Variants in SDK1 observed in about 807,000 individuals in gnomAD.
The protein encoded by SDK1 is sidekick cell adhesion molecule 1.
Under a neutral mutation model 245.5 loss-of-function variants are expected in SDK1, and 157 were observed. That is an observed-to-expected ratio of 0.64 (90% CI 0.56 to 0.73). The LOEUF (loss-of-function observed/expected upper bound fraction) is 0.73, where lower values mean the gene tolerates loss of function less well. SDK1 is among the 30% of genes least tolerant of loss of function. The pLI is 0.00. For synonymous variants in SDK1, 1,647 were observed against 1,278.5 expected, an observed-to-expected ratio of 1.29 and a Z score of -6.15; for missense variants, 3,583 against 3,002.3, an observed-to-expected ratio of 1.19 and a Z score of -4.52.
chr7:3,311,672 G>C (rs1525556), intron 1 of SDK1, among the ~76,000 whole-genome samples: 92,244 of 152,030 alleles, frequency 0.61, 28,861 homozygotes, highest in African/African-American at 0.78. Context: ...GTTGCGACTC[G>C]TGGAGGCTTC....
rs148545510 is a variant in SDK1, at chr7:3,760,330, A to T, written c.714-61120A>T. ...GTGCACACAATTACCAACCACAGCA[A>T]TGTGCATGCATACATTCCCCTTGTT... On this transcript the variant is annotated intron_variant, in intron 4 of 44. Transcript: ENST00000404826. Among the ~76,000 whole-genome samples, 7 of 152,298 alleles carry T rather than the reference A, an allele frequency of 4.6e-5. No homozygotes were observed. The East Asian group carries it at 7.7e-4, about 17-fold the overall frequency.
chr7:4,263,293 A>C (rs1449983170), intron 44 of SDK1, among the ~76,000 whole-genome samples: 1 of 148,164 alleles, frequency 6.7e-6, no homozygotes, highest in Non-Finnish European at 1.5e-5. Context: ...GATCTTCCCC[A>C]CCCCTGGGGC....
At chr7:3,478,840 G>A (rs545520794) in intron 1 of SDK1, among the ~76,000 whole-genome samples, 11 of 147,258 alleles carry the variant, frequency 7.5e-5, no homozygotes, top group African/African-American at 1.5e-4. Context: ...AAATGTGTAC[G>A]TTTTTTTCTA....
chr7:3,910,335 C>T (rs1259821003), intron 5 of SDK1, among the ~76,000 whole-genome samples: 2 of 152,200 alleles, frequency 1.3e-5, no homozygotes, highest in African/African-American at 2.4e-5. Context: ...CAGGCACATT[C>T]TTCAAACAGT....
At chr7:3,821,998 G>A (rs148830235) in intron 5 of SDK1, among the ~76,000 whole-genome samples, 4 of 152,092 alleles carry the variant, frequency 2.6e-5, no homozygotes, top group East Asian at 3.9e-4. Flanking sequence ...CTATTAAGTT[G>A]TACGAAAATT....
At chr7:3,501,591 A>C (rs527925533) in intron 1 of SDK1, among the ~76,000 whole-genome samples, 2 of 152,324 alleles carry the variant, frequency 1.3e-5, no homozygotes, top group South Asian at 4.1e-4. Context: ...ATGAAGTATT[A>C]ATGCAAACTG....
At chr7:3,576,597 A>G (rs1780299774) in intron 1 of SDK1, among the ~76,000 whole-genome samples, 1 of 152,010 alleles carries the variant, frequency 6.6e-6, no homozygotes, top group Non-Finnish European at 1.5e-5. Context: ...AGTATCTTTA[A>G]TTTCCTAGAA....
chr7:3,438,246 A>G (rs1780087482), intron 1 of SDK1, among the ~76,000 whole-genome samples: 1 of 152,220 alleles, frequency 6.6e-6, no homozygotes, highest in African/African-American at 2.4e-5. Context: ...TTATATTCCC[A>G]ATGAATATGA....
At chr7:3,369,621 T>G (rs1322793083) in intron 1 of SDK1, among the ~76,000 whole-genome samples, 1 of 152,226 alleles carries the variant, frequency 6.6e-6, no homozygotes, top group African/African-American at 2.4e-5. Context: ...TAGGATGTTG[T>G]ATATAAGAGG....
At chr7:3,883,693 GCTCC>G (rs36146912) in intron 5 of SDK1, among the ~76,000 whole-genome samples, 25,333 of 144,094 alleles carry the variant, frequency 0.18, 2,210 homozygotes, top group Middle Eastern at 0.28. Context: ...TCGCTCCCTC[GCTCC>G]CTCCCTCCCT....
intron 6 of SDK1, among the ~76,000 whole-genome samples, chr7:3,951,276 T>G (rs1412032031): frequency 2.0e-5 from 3 of 151,870 alleles, no homozygotes; most frequent in Non-Finnish European, 4.4e-5. Flanking sequence ...AGTGGGGGGC[T>G]CCTCTGAGAT....
intron 4 of SDK1, among the ~76,000 whole-genome samples, chr7:3,702,816 A>G (rs1457692402): frequency 1.3e-5 from 2 of 152,186 alleles, no homozygotes; most frequent in Non-Finnish European, 2.9e-5. Context: ...CTGTTTTGCA[A>G]AAGAGGGTCT....
chr7:3,763,452 G>A (rs948465919), intron 4 of SDK1, among the ~76,000 whole-genome samples: 7 of 151,596 alleles, frequency 4.6e-5, no homozygotes, highest in Admixed American at 6.6e-5. Flanking sequence ...TTACTTCATC[G>A]CATCTATACA....
intron 42 of SDK1, among the ~76,000 whole-genome samples, chr7:4,241,285 G>A (rs1190317102): frequency 6.6e-6 from 1 of 152,104 alleles, no homozygotes; most frequent in Admixed American, 6.6e-5. Context: ...TTAAATGAGT[G>A]TGAGTTTTTA....
At chr7:3,938,645 C>CAAAAAAAAAA (rs559065786) in intron 5 of SDK1, among the ~76,000 whole-genome samples, 1 of 90,592 alleles carries the variant, frequency 1.1e-5, no homozygotes, top group African/African-American at 5.4e-5. Flanking sequence ...GACTCCGTCT[C>CAAAAAAAAAA]AAAAAAAAAA....
chr7:3,591,575 C>T (rs1344611721), intron 1 of SDK1, among the ~76,000 whole-genome samples: 6 of 152,226 alleles, frequency 3.9e-5, no homozygotes, highest in Non-Finnish European at 7.3e-5. Flanking sequence ...GGGGCCTCTT[C>T]CTTTGAAAGA....
At chr7:3,824,929 C>G (rs950635858) in intron 5 of SDK1, among the ~76,000 whole-genome samples, 1 of 152,142 alleles carries the variant, frequency 6.6e-6, no homozygotes, top group Non-Finnish European at 1.5e-5. Context: ...CCAGCATGTT[C>G]TGAACCGATA....
At chr7:3,895,384 A>T (rs73674332) in intron 5 of SDK1, among the ~76,000 whole-genome samples, 1 of 152,214 alleles carries the variant, frequency 6.6e-6, no homozygotes, top group African/African-American at 2.4e-5. Context: ...CCATGTATCA[A>T]AGCTCTAGCC....
At chr7:4,039,996 C>T (rs894802623) in intron 17 of SDK1, among the ~76,000 whole-genome samples, 1 of 152,180 alleles carries the variant, frequency 6.6e-6, no homozygotes, top group Non-Finnish European at 1.5e-5. Context: ...GAGCATGTTA[C>T]TGAACCAAAC....
Sources: gnomAD v4.1 joint callset for allele counts (sites outside exome capture counted in the v4.1 genomes callset) on GRCh38, gnomAD v4.1.1 for gene constraint, MANE v1.5 for transcripts, NCBI Gene and HGNC (gene_info 2026-07-23, HGNC 2026-07-21) for gene names.